The following TANGO6 variants were observed in gnomAD, a reference collection of about 807,000 sequenced individuals.
The protein encoded by TANGO6 is transport and Golgi organization protein 6 homolog.
TANGO6 carries 90 observed loss-of-function variants against 114.2 expected under a neutral mutation model. That is an observed-to-expected ratio of 0.79 (90% confidence interval 0.66 to 0.94). The LOEUF (loss-of-function observed/expected upper bound fraction) is 0.94. TANGO6 is among the 40% of genes least tolerant of loss of function. The pLI is 0.00. For missense variants in TANGO6, 1,274 were observed against 1,315.3 expected, an observed-to-expected ratio of 0.97 and a Z score of 0.49; for synonymous variants, 477 against 509.8, an observed-to-expected ratio of 0.94 and a Z score of 0.87.
At chr16:69,082,351 A>C (rs1261726347) in intron 17 of TANGO6, among the ~76,000 whole-genome samples, 1 of 151,808 alleles carries the variant, frequency 6.6e-6, no homozygotes, top group African/African-American at 2.4e-5. Flanking sequence ...TAATCTGCCC[A>C]TTTTGGCCTC....
chr16:68,954,378 G>T (rs1310590562), intron 14 of TANGO6, among the ~76,000 whole-genome samples: 1 of 152,106 alleles, frequency 6.6e-6, no homozygotes, highest in African/African-American at 2.4e-5. Flanking sequence ...CAGACCCTTA[G>T]GATCAGTAAG....
chr16:68,887,256 C>T (rs940003873), intron 7 of TANGO6, among the ~76,000 whole-genome samples: 11 of 152,182 alleles, frequency 7.2e-5, no homozygotes, highest in African/African-American at 2.7e-4. Context: ...CCTTGACATC[C>T]CCTGTCATGT....
At position 68,899,671 on chromosome 16, in the gene TANGO6, C is replaced by T. The variant is rs115091911; in HGVS notation, c.1378-763C>T. Among the ~76,000 whole-genome samples the T allele has an allele frequency of 5.4e-3, 814 of 152,124 alleles. 11 individuals carry two copies. Among genetic ancestry groups the T allele is most frequent in the African/African-American group, 0.019 (780 of 41,494 alleles). On this transcript the variant is annotated intron_variant, in intron 7 of 17. Coordinates refer to ENST00000261778, the MANE Select transcript of TANGO6 (RefSeq NM_024562.2). ...CTGGAGGGCAGTAGCATGATCATAG[C>T]TTATTGCAGCTTTGAATTCCTGGGC...
chr16:68,918,470 G>A (rs982812213), intron 11 of TANGO6, among the ~76,000 whole-genome samples: 1 of 152,048 alleles, frequency 6.6e-6, no homozygotes, highest in African/African-American at 2.4e-5. Context: ...TGTTATCTTC[G>A]AGGAGTTTAT....
intron 17 of TANGO6, among the ~76,000 whole-genome samples, chr16:69,054,866 G>A (rs28622495): frequency 0.024 from 3,523 of 149,556 alleles, 143 homozygotes; most frequent in African/African-American, 0.081. Context: ...GCGTGAACCC[G>A]GGAGGCGGAG....
intron 15 of TANGO6, among the ~76,000 whole-genome samples, chr16:69,013,487 T>C (rs1012338975): frequency 6.6e-6 from 1 of 151,782 alleles, no homozygotes; most frequent in African/African-American, 2.4e-5. Context: ...CGTGGTGGCA[T>C]GCGCCTGTGG....
At chr16:69,082,258 T>C (rs1011028645) in intron 17 of TANGO6, among the ~76,000 whole-genome samples, 2 of 151,678 alleles carry the variant, frequency 1.3e-5, no homozygotes, top group Non-Finnish European at 2.9e-5. Context: ...GTGCTGGGAC[T>C]ACAAATGGCA....
chr16:69,009,126 G>A (rs1423874256), intron 15 of TANGO6, among the ~76,000 whole-genome samples: 2 of 132,246 alleles, frequency 1.5e-5, no homozygotes, highest in African/African-American at 6.0e-5. Flanking sequence ...TGTATGCCCA[G>A]GCTGGAGTGC....
intron 12 of TANGO6, among the ~76,000 whole-genome samples, chr16:68,920,583 C>T (rs558461417): frequency 6.6e-5 from 10 of 152,214 alleles, no homozygotes; most frequent in African/African-American, 2.2e-4. Context: ...TACCCTGCAG[C>T]CAGCCTGCTC....
chr16:68,880,722 A>G, intron 7 of TANGO6, 92 bp downstream of exon 7: 1 of 824,270 alleles, frequency 1.2e-6, no homozygotes, highest in Non-Finnish European at 1.8e-6. Context: ...GTGGGGTCTC[A>G]CCACGTTGCC....
At position 68,846,956 on chromosome 16, in the gene TANGO6, T is replaced by A. The variant is rs180730496; in HGVS notation, c.94+3245T>A. On this transcript the variant is annotated intron_variant, in intron 1 of 17. Coordinates refer to ENST00000261778, the MANE Select transcript of TANGO6 (RefSeq NM_024562.2). ...CCCAGGATGGAATGCAGTGGCGTGA[T>A]CTCGGCTCATTGCCACCTCCGCCTC... 2.0e-3 allele frequency: 309 copies of A among 151,766 alleles called. 5 individuals are homozygous for A. In the Middle Eastern group the frequency reaches 0.072, roughly 36 times the overall value. 9.4% of individuals were successfully genotyped at this position (151,766 alleles called of 1,614,324 possible).
intron 15 of TANGO6, among the ~76,000 whole-genome samples, chr16:68,990,787 A>G (rs888219144): frequency 6.6e-6 from 1 of 152,198 alleles, no homozygotes; most frequent in African/African-American, 2.4e-5. Flanking sequence ...GAAAGGATAC[A>G]TATGCTGTGT....
intron 17 of TANGO6, among the ~76,000 whole-genome samples, chr16:69,051,620 T>C (rs1190397903): frequency 1.3e-5 from 2 of 150,794 alleles, no homozygotes; most frequent in Admixed American, 1.3e-4. Flanking sequence ...GAGGCAGAGG[T>C]TGCAGTGAGC....
chr16:69,075,097 C>A (rs1447016037), intron 17 of TANGO6, among the ~76,000 whole-genome samples: 3 of 151,808 alleles, frequency 2.0e-5, no homozygotes, highest in African/African-American at 7.3e-5. Context: ...CCAGCTTGGC[C>A]TTCCAAAAGT....
At chr16:68,868,490 C>CTTTTTT (rs1596996308) in intron 4 of TANGO6, among the ~76,000 whole-genome samples, 1 of 121,944 alleles carries the variant, frequency 8.2e-6, no homozygotes, top group Non-Finnish European at 1.8e-5. Flanking sequence ...CTCTATATTT[C>CTTTTTT]TATTTTTTTT....
intron 15 of TANGO6, among the ~76,000 whole-genome samples, chr16:69,011,125 C>T (rs74517017): frequency 0.015 from 2,306 of 152,086 alleles, 129 homozygotes; most frequent in Admixed American, 0.1. Context: ...AAATATAATT[C>T]GTTTTAGCTA....
At chr16:68,947,589 T>C (rs1007173421) in intron 14 of TANGO6, among the ~76,000 whole-genome samples, 6 of 130,356 alleles carry the variant, frequency 4.6e-5, no homozygotes, top group Non-Finnish European at 9.4e-5. Context: ...ACCCATCTCT[T>C]TTTTTTTTTT....
At chr16:68,919,323 C>A in intron 12 of TANGO6, 104 bp downstream of exon 12, 1 of 1,381,046 alleles carries the variant, frequency 7.2e-7, no homozygotes. Flanking sequence ...GGATATTGTA[C>A]ATAGGAGAAC....
intron 7 of TANGO6, among the ~76,000 whole-genome samples, chr16:68,882,438 A>C (rs1962476590): frequency 1.3e-5 from 2 of 152,024 alleles, no homozygotes; most frequent in South Asian, 4.2e-4. Flanking sequence ...CAGAGCTTGC[A>C]GTGAGCCGAG....
Sources: gnomAD v4.1 joint callset for allele counts (sites outside exome capture counted in the v4.1 genomes callset) on GRCh38, gnomAD v4.1.1 for gene constraint, MANE v1.5 for transcripts, NCBI Gene and HGNC (gene_info 2026-07-23, HGNC 2026-07-21) for gene names.